JMJD1C: variants seen among roughly 807,000 people sequenced by gnomAD.
The protein encoded by JMJD1C is jumonji domain containing 1C.
JMJD1C carries 31 observed loss-of-function variants against 245.3 expected under a neutral mutation model. The observed-to-expected ratio is 0.13, with a 90% CI of 0.09 to 0.17. The LOEUF is 0.17. JMJD1C is among the 10% of genes least tolerant of loss of function. The pLI is 1.00. For synonymous variants in JMJD1C, 1,057 were observed against 1,017.4 expected (o/e 1.04, Z -0.74); for missense variants, 2,691 against 3,000.2 (o/e 0.90, Z 2.41).
chr10:63,386,431 A>C (rs1589642215), intron 1 of JMJD1C, among the ~76,000 whole-genome samples: 1 of 152,036 alleles, frequency 6.6e-6, no homozygotes, highest in South Asian at 2.1e-4. Context: ...GGATCATGCC[A>C]CCCCTGTTGA....
At chr10:63,174,834 CAA>C (rs567277181) in intron 24 of JMJD1C, among the ~76,000 whole-genome samples, 1 of 146,268 alleles carries the variant, frequency 6.8e-6, no homozygotes, top group East Asian at 2.0e-4. Context: ...GACTCTGTCT[CAA>C]AAAAACAAAA....
Position 63,393,138 on chromosome 10 carries a change from G to T in JMJD1C, c.169-12656C>A, listed in dbSNP as rs139553998. On this transcript the variant is annotated intron_variant, in intron 1 of 25. Transcript: ENST00000399262. ...AAAAAATTAGCCGGATGTGGTGGTG[G>T]ACAACTGTAGTCCCAGCTAATCAGG... Among the ~76,000 whole-genome samples, 236 of 152,074 alleles carry T rather than the reference G, an allele frequency of 1.6e-3. 2 individuals are homozygous for T. The highest frequency in any genetic ancestry group is 5.6e-3 in the African/African-American group (233 of 41,482).
chr10:63,290,882 A>AT (rs1312092006), intron 2 of JMJD1C, among the ~76,000 whole-genome samples: 1 of 152,164 alleles, frequency 6.6e-6, no homozygotes, highest in Non-Finnish European at 1.5e-5. Flanking sequence ...TGAAATCTTT[A>AT]TTTTTTTAAG....
chr10:63,453,557 A>C (rs778444516), intron 1 of JMJD1C, among the ~76,000 whole-genome samples: 7 of 152,216 alleles, frequency 4.6e-5, no homozygotes, highest in Non-Finnish European at 8.8e-5. Context: ...AATGTTTTAA[A>C]ATATAATTTC....
In JMJD1C at chr10:63,193,074, C is replaced by T. The variant is rs34825545; in HGVS notation, c.5940G>A (p.Pro1980=). The T allele has an allele frequency of 5.7e-3, 9,138 of 1,614,034 alleles. 59 individuals are homozygous for T. Among genetic ancestry groups the T allele is most frequent in the South Asian group, 0.019 (1,764 of 91,084 alleles). ...TGCTGCCACCATTTTTCTCAGACTT[C>T]GGAGGAGTATTTTGCTGCTGAGACT... ...MPESQQQNTP[P]KSEKNGGSSP... Residue 1980 remains proline (P), a synonymous_variant, in exon 16 of 26, where the codon CCG becomes CCA. Transcript: ENST00000399262.
chr10:63,284,018 C>T (rs986523871), intron 2 of JMJD1C, among the ~76,000 whole-genome samples: 2 of 144,720 alleles, frequency 1.4e-5, no homozygotes, highest in Admixed American at 6.9e-5. Flanking sequence ...TTCTTTTCTT[C>T]TTTTTTTTTT....
rs141801200 is a variant in JMJD1C, at chr10:63,431,165, G to A, written c.168+34330C>T. On this transcript the variant is annotated intron_variant, in intron 1 of 25. Coordinates refer to ENST00000399262, the MANE Select transcript of JMJD1C (RefSeq NM_032776.3). ...TATATCTACTGGTCTGTGAAAGGAG[G>A]AAATGACAGAGTATGAACAATAAAA... Among the ~76,000 whole-genome samples the A allele has an allele frequency of 2.4e-3, 367 of 152,276 alleles. 3 individuals are homozygous for A. The South Asian group carries it at 0.029, about 12-fold the overall frequency.
At chr10:63,276,528 T>C (rs1856792816) in intron 2 of JMJD1C, among the ~76,000 whole-genome samples, 2 of 143,016 alleles carry the variant, frequency 1.4e-5, no homozygotes, top group African/African-American at 2.6e-5. Flanking sequence ...CTACTAAAAA[T>C]ACAAAAATCA....
At chr10:63,291,310 GAA>G (rs59082600) in intron 2 of JMJD1C, among the ~76,000 whole-genome samples, 12,030 of 68,892 alleles carry the variant, frequency 0.17, 818 homozygotes, top group Middle Eastern at 0.25. Flanking sequence ...GTCTGTCTCA[GAA>G]AAAAAAAAAA....
chr10:63,486,963 T>G (rs1302640519), intron 1 of JMJD1C, among the ~76,000 whole-genome samples: 1 of 152,220 alleles, frequency 6.6e-6, no homozygotes, highest in East Asian at 1.9e-4. Context: ...AAAGCTAACT[T>G]GCCAAAGGTC....
intron 1 of JMJD1C, among the ~76,000 whole-genome samples, chr10:63,503,806 C>T (rs753016490): frequency 6.6e-6 from 1 of 152,178 alleles, no homozygotes; most frequent in Non-Finnish European, 1.5e-5. Context: ...TGACAACTTT[C>T]GTAGTTCTGC....
Position 63,277,731 on chromosome 10 carries a change from C to CTT in JMJD1C, c.334-12969_334-12968dup, listed in dbSNP as rs35442695. 7.0e-3 allele frequency among the ~76,000 whole-genome samples: 451 copies of CTT among 64,252 alleles called. 30 individuals carry two copies. The highest frequency in any genetic ancestry group is 0.016 in the African/African-American group (232 of 14,160). 42.2% of individuals were successfully genotyped at this position (64,252 alleles called of 152,430 possible). A position where few individuals can be genotyped will look rare whatever the true frequency, so the allele number is the denominator to read the frequency against. On this transcript the variant is annotated intron_variant, in intron 2 of 25. Coordinates refer to ENST00000399262, the MANE Select transcript of JMJD1C (RefSeq NM_032776.3). ...TATTCATTGAGAGTAATTTGCATTT[C>CTT]TTTTTTTTTTTTTTTTTTTTTTTTG...
chr10:63,475,204 C>T (rs76736859), intron 1 of JMJD1C, among the ~76,000 whole-genome samples: 2,022 of 152,140 alleles, frequency 0.013, 30 homozygotes, highest in African/African-American at 0.034. Flanking sequence ...ATGCTCAGTT[C>T]GATTAGGACT....
At chr10:63,219,544 T>C (rs1306972497) in intron 4 of JMJD1C, among the ~76,000 whole-genome samples, 1 of 152,172 alleles carries the variant, frequency 6.6e-6, no homozygotes, top group Non-Finnish European at 1.5e-5. Flanking sequence ...AAATCAATTG[T>C]GGCTGTGGGC....
intron 1 of JMJD1C, among the ~76,000 whole-genome samples, chr10:63,408,293 T>G: frequency 6.6e-6 from 1 of 151,774 alleles, no homozygotes; most frequent in African/African-American, 2.4e-5. Context: ...ATCCCAGTTA[T>G]TCGGAAGGCT....
At chr10:63,450,272 T>C (rs892099097) in intron 1 of JMJD1C, among the ~76,000 whole-genome samples, 3 of 151,992 alleles carry the variant, frequency 2.0e-5, no homozygotes, top group Non-Finnish European at 2.9e-5. Flanking sequence ...CTGTAGTTCC[T>C]GCTAATTGGA....
chr10:63,263,757 C>A (rs1306748000), intron 3 of JMJD1C, among the ~76,000 whole-genome samples: 3 of 151,862 alleles, frequency 2.0e-5, no homozygotes, highest in Non-Finnish European at 4.4e-5. Context: ...CATTGTGAAA[C>A]CCCATCTCTA....
At chr10:63,466,133 A>C (rs1263075508), upstream of JMJD1C, 2 of 179,266 alleles carry the variant, frequency 1.1e-5, no homozygotes, top group Non-Finnish European at 2.2e-5. Context: ...GTCCGTCCAG[A>C]TCCAGAGGCG....
intron 10 of JMJD1C, among the ~76,000 whole-genome samples, chr10:63,205,231 A>G (rs1166850307): frequency 6.6e-6 from 1 of 152,212 alleles, no homozygotes; most frequent in African/African-American, 2.4e-5. Flanking sequence ...GCCTCCCCTT[A>G]TGTTAATTTT....
Sources: gnomAD v4.1 joint callset for allele counts (sites outside exome capture counted in the v4.1 genomes callset) on GRCh38, gnomAD v4.1.1 for gene constraint, MANE v1.5 for transcripts, NCBI Gene and HGNC (gene_info 2026-07-23, HGNC 2026-07-21) for gene names.